Variants in CFAP74 observed in about 807,000 individuals in gnomAD.
The protein encoded by CFAP74 is cilia- and flagella-associated protein 74.
In CFAP74, 124 loss-of-function variants were observed where a neutral mutation model predicts 188.9. The observed-to-expected ratio is 0.66, with a 90% CI of 0.57 to 0.76. The LOEUF is 0.76. Among genes scored for constraint, CFAP74 ranks in the 30% least tolerant of loss-of-function variants. CFAP74 has a pLI of 0.00. For missense variants in CFAP74, 2,198 were observed against 2,165.2 expected (o/e 1.02, Z -0.30); for synonymous variants, 956 against 916.7 (o/e 1.04, Z -0.77).
At chr1:1,941,621 C>A (rs374139218) in intron 22 of CFAP74, among the ~76,000 whole-genome samples, 1 of 152,078 alleles carries the variant, frequency 6.6e-6, no homozygotes, top group African/African-American at 2.4e-5. Flanking sequence ...GGGAAGACAG[C>A]GGGGGAGTGC....
intron 24 of CFAP74, 44 bp downstream of exon 24, chr1:1,939,550 C>A (rs752199677): frequency 1.5e-5 from 23 of 1,512,526 alleles, no homozygotes; most frequent in Non-Finnish European, 1.9e-5. Context: ...CCCAGGACTT[C>A]CCAGCCTCAC....
chr1:1,955,832 C>G lies in CFAP74; in HGVS notation c.2035G>C (p.Glu679Gln), dbSNP rs371520785. Residue 679 changes from glutamate to glutamine, a missense_variant, in exon 18 of 39, where the codon GAA becomes CAA. Glu to Gln is a conservative substitution (Grantham distance 29). Coordinates refer to ENST00000682832, the MANE Select transcript of CFAP74 (RefSeq NM_001304360.2). ...ALKLSSLLTYEDKSLYDKAAT... is the reference protein window; with the variant it reads ...ALKLSSLLTYQDKSLYDKAAT... ...GCTTTGTCATACAAGCTTTTATCTT[C>G]GTAGGTCAGGAGACTGCTCTAGAGA... 1 of 1,613,526 alleles carries G rather than the reference C, an allele frequency of 6.2e-7. No individual in the cohort carries two copies. The highest frequency in any genetic ancestry group is 8.5e-7 in the Non-Finnish European group (1 of 1,179,988).
In CFAP74 at chr1:1,927,420, G is replaced by C; in HGVS notation, c.3527+187C>G. The C allele has an allele frequency of 2.2e-5, 14 of 630,692 alleles. No homozygotes were observed. The South Asian group carries it at 2.8e-4, about 12-fold the overall frequency. 39.1% of individuals were successfully genotyped at this position (630,692 alleles called of 1,614,324 possible). ...GGCTGTGTGCAGGGGTGTCAGGCCT[G>C]GGGAAATGGGGTGGGTAGGTCCCAG... On this transcript the variant is annotated intron_variant, in intron 28 of 38. Coordinates refer to ENST00000682832, the MANE Select transcript of CFAP74 (RefSeq NM_001304360.2).
chr1:1,937,722 A>G (rs973698072), intron 25 of CFAP74, among the ~76,000 whole-genome samples: 2 of 152,130 alleles, frequency 1.3e-5, no homozygotes, highest in Admixed American at 1.3e-4. Context: ...ACCACCAGCC[A>G]CCGCCTGGGG....
rs774825993 is a variant in CFAP74, at chr1:1,928,844, G to C, written c.3327C>G (p.Pro1109=). 3.3e-6 allele frequency: 5 copies of C among 1,535,504 alleles called. No homozygotes were observed. The highest frequency in any genetic ancestry group is 4.4e-6 in the Non-Finnish European group (5 of 1,146,724). The part of the protein sequence containing the change: ...LVQVAFRPVL[P]EKLIRQEALP... The stretch of plus-strand genomic sequence containing the variant: ...GGGCTTCCTGGCGGATCAGCTTCTC[G>C]GGCAGCACTGGCCGGAAGGCCACCT... Residue 1109 remains proline (P), a synonymous_variant, in exon 27 of 39, where the codon CCC becomes CCG. Transcript: ENST00000682832.
chr1:1,929,238 C>A (rs1208352341), intron 26 of CFAP74, among the ~76,000 whole-genome samples: 1 of 146,912 alleles, frequency 6.8e-6, no homozygotes, highest in African/African-American at 2.5e-5. Context: ...CACACCCTAA[C>A]CTGGTCCCTG....
At position 1,939,092 on chromosome 1, in the gene CFAP74, G is replaced by A. The variant is rs1443240341; in HGVS notation, c.2878-104C>T. The A allele has an allele frequency of 5.1e-5, 60 of 1,169,424 alleles. No individual in the cohort carries two copies. In the South Asian group the frequency reaches 7.2e-4, roughly 14 times the overall value. The allele number at this position is 1,169,424 out of a possible 1,614,324, so 72.4% of individuals were successfully genotyped here. A position where few individuals can be genotyped will look rare whatever the true frequency, so the allele number is the denominator to read the frequency against. ...GAGTAAGAGATGAGTGTGATCGTGT[G>A]TGAGCGAATGTGAGGGTGAGAGTGT... On this transcript the variant is annotated intron_variant, in intron 24 of 38. Transcript: ENST00000682832.
chr1:1,965,020 T>C lies in CFAP74; in HGVS notation c.1443A>G (p.Thr481=), dbSNP rs751048221. ...GCTCCAGGATGTCCTTGTCCATCTT[T>C]GTCCCGCCCACGGGCTTTCGGTCCA... ...EDVDRKPVGG[T]KMDKDILERT... is the part of the protein sequence containing the mutation. The change falls in exon 13 of 39, where the codon ACA becomes ACG. Residue 481 remains threonine, a synonymous_variant. Transcript: ENST00000682832. 13 of 1,613,848 alleles carry C rather than the reference T, an allele frequency of 8.1e-6. No homozygotes were observed. The highest frequency in any genetic ancestry group is 1.1e-5 in the Non-Finnish European group (13 of 1,179,904).
chr1:1,938,567 C>G (rs1034684815), intron 25 of CFAP74, among the ~76,000 whole-genome samples: 4 of 152,200 alleles, frequency 2.6e-5, no homozygotes, highest in African/African-American at 7.2e-5. Context: ...TTCACACACA[C>G]ACACAGGCAC....
chr1:1,935,827 C>T lies in CFAP74; in HGVS notation c.3011+3028G>A, dbSNP rs894429838. On this transcript the variant is annotated intron_variant, in intron 25 of 38. Coordinates refer to ENST00000682832, the MANE Select transcript of CFAP74 (RefSeq NM_001304360.2). ...TGGAAGGGAAGAAGAGAGCAGAGGA[C>T]GCAGAGCTAAGAAAGTTGGGACCTT... 6.0e-5 allele frequency among the ~76,000 whole-genome samples: 9 copies of T among 151,148 alleles called. No homozygotes were observed. In the South Asian group the frequency reaches 6.3e-4, roughly 11 times the overall value.
Position 1,964,890 on chromosome 1 carries a change from G to A in CFAP74, c.1573C>T (p.Gln525Ter). 6.2e-7 allele frequency: 1 copy of A among 1,613,614 alleles called. No individual in the cohort carries two copies. The change falls in exon 13 of 39, where the codon CAG becomes TAG. Residue 525 changes from glutamine to a stop codon, truncating the protein, a stop_gained and splice_region_variant. Coordinates refer to ENST00000682832, the MANE Select transcript of CFAP74 (RefSeq NM_001304360.2). LOFTEE classifies it high-confidence loss of function. The part of the protein sequence containing the change: ...FNSKPELLHF[Q>*]DFDIGKVYKK... ...TCCTGGCCCAGCTGCGGGCTCACCT[G>A]GAAGTGGAGGAGCTCCGGTTTGCTG... is the stretch of plus-strand genomic sequence containing the variant.
In CFAP74 at chr1:1,926,966, G is replaced by A. The variant is rs1557985801; in HGVS notation, c.3590C>T (p.Thr1197Ile). 1 of 1,550,272 alleles carries A rather than the reference G, an allele frequency of 6.5e-7. No homozygotes were observed. The highest frequency in any genetic ancestry group is 8.7e-7 in the Non-Finnish European group (1 of 1,146,896). Residue 1197 changes from threonine (T) to isoleucine (I), a missense_variant, in exon 29 of 39, where the codon ACA becomes ATA. By Grantham distance (89) the Thr-to-Ile change is moderately conservative. Coordinates refer to ENST00000682832, the MANE Select transcript of CFAP74 (RefSeq NM_001304360.2). ...LLRAFQAKFD[T>I]FVVPCVVASG... is the part of the protein sequence containing the mutation. The stretch of plus-strand genomic sequence containing the variant: ...GGCAACAACACAGGGAACTACAAAT[G>A]TGTCAAACTTCGCCTGGAACGCTCT...
intron 1 of CFAP74, among the ~76,000 whole-genome samples, chr1:1,991,342 C>T (rs1391878200): frequency 6.6e-6 from 1 of 150,868 alleles, no homozygotes; most frequent in East Asian, 2.0e-4. Flanking sequence ...CCAGCCTGGG[C>T]AACAGAGTGA....
intron 2 of CFAP74, among the ~76,000 whole-genome samples, chr1:1,990,398 G>C (rs375530465): frequency 8.0e-5 from 12 of 150,670 alleles, no homozygotes; most frequent in African/African-American, 2.9e-4. Flanking sequence ...CGGGGGGCAG[G>C]GGGGAGAAGG....
At chr1:1,966,346 C>T (rs774064416) in intron 12 of CFAP74, 25 bp downstream of exon 12, 7 of 1,473,526 alleles carry the variant, frequency 4.8e-6, no homozygotes, top group South Asian at 4.1e-5. Context: ...CGTCTGCAAG[C>T]GTCTAAAGGA....
Position 1,955,695 on chromosome 1 carries a change from G to A in CFAP74, c.2172C>T (p.Pro724=), listed in dbSNP as rs1654566536. 21 of 1,613,812 alleles carry A rather than the reference G, an allele frequency of 1.3e-5. No homozygotes were observed. Among genetic ancestry groups the A allele is most frequent in the Non-Finnish European group, 1.6e-5 (19 of 1,179,960 alleles). Residue 724 remains proline, a synonymous_variant, in exon 18 of 39, where the codon CCC becomes CCT. Transcript: ENST00000682832. ...KLDKEQEEEQ[P]AEPERLTTVI... ...TGGCCTGGCAGCCTGGCTCACCTGC[G>A]GGCTGCTCCTCCTCCTGCTCCTTGT... is the stretch of plus-strand genomic sequence containing the variant.
At chr1:1,971,049 A>G (rs980762107) in intron 9 of CFAP74, among the ~76,000 whole-genome samples, 6 of 148,962 alleles carry the variant, frequency 4.0e-5, no homozygotes, top group African/African-American at 2.5e-5. Context: ...ACACACGTGC[A>G]CACACATGCT....
rs1044885743 is a variant in CFAP74, at chr1:1,973,721, C to T, written c.674+304G>A. Among the ~76,000 whole-genome samples, 5 of 151,768 alleles carry T rather than the reference C, an allele frequency of 3.3e-5. No homozygotes were observed. Among genetic ancestry groups the T allele is most frequent in the Non-Finnish European group, 5.9e-5 (4 of 67,944 alleles). On this transcript the variant is annotated intron_variant, in intron 7 of 38. Coordinates refer to ENST00000682832, the MANE Select transcript of CFAP74 (RefSeq NM_001304360.2). The surrounding 1 kb of genome is among the most constrained non-coding windows in gnomAD (Gnocchi z 6.2). Reference sequence around the variant, plus strand: ...CTGGCTGGGAAGAGGAAGGGGCTGCCGGAGGGAAAGGGGAGGGGCAGTCTT... The same window carrying T: ...CTGGCTGGGAAGAGGAAGGGGCTGCTGGAGGGAAAGGGGAGGGGCAGTCTT...
chr1:2,002,909 T>G (rs1382670353), intron 1 of CFAP74, among the ~76,000 whole-genome samples: 1 of 149,018 alleles, frequency 6.7e-6, no homozygotes, highest in African/African-American at 2.5e-5. Context: ...CTAAAGAAAT[T>G]TATATATCAT....
Sources: gnomAD v4.1 joint callset for allele counts (sites outside exome capture counted in the v4.1 genomes callset) on GRCh38, gnomAD v4.1.1 for gene constraint, Gnocchi (gnomAD v3.1) non-coding constraint, MANE v1.5 for transcripts, NCBI Gene and HGNC (gene_info 2026-07-23, HGNC 2026-07-21) for gene names.